The following SH3TC1 variants were observed in gnomAD, a reference collection of about 807,000 sequenced individuals.
SH3TC1 encodes SH3 domain and tetratricopeptide repeats 1, also known as SH3 domain and tetratricopeptide repeat-containing protein 1.
In SH3TC1, 135 loss-of-function variants were observed where a neutral mutation model predicts 117.3. The observed-to-expected ratio is 1.15, with a 90% CI of 1.00 to 1.33. SH3TC1 has a LOEUF of 1.33. Among genes scored for constraint, SH3TC1 ranks in the 40% most tolerant of loss-of-function variants. SH3TC1 has a pLI of 0.00. For synonymous variants in SH3TC1, 898 were observed against 816.9 expected (o/e 1.10, Z -1.69); for missense variants, 2,092 against 1,794.3 (o/e 1.17, Z -3.00).
At chr4:8,238,002 G>C (rs1309537567) in intron 17 of SH3TC1, among the ~76,000 whole-genome samples, 1 of 152,206 alleles carries the variant, frequency 6.6e-6, no homozygotes, top group Admixed American at 6.5e-5. Context: ...CAAGTGTCAA[G>C]TTGTATCTAA....
rs1333644707 is a variant in SH3TC1, at chr4:8,190,229, T to C, written c.-57+8019T>C. 1.3e-5 allele frequency among the ~76,000 whole-genome samples: 2 copies of C among 152,158 alleles called. No homozygotes were observed. Among genetic ancestry groups the C allele is most frequent in the Non-Finnish European group, 2.9e-5 (2 of 68,016 alleles). On this transcript the variant is annotated intron_variant, in intron 1 of 16. Coordinates refer to the SH3TC1 transcript ENST00000508641. This position sits in a 1 kb window ranked among gnomAD's most constrained non-coding sequence, Gnocchi z 4.7. ...CTCCTCCCCTCTGCCTGCTGTGACC[T>C]CAGCCTCGGAGCCTCGAGCTCCCAG...
chr4:8,184,612 C>T (rs972833718), intron 1 of SH3TC1, among the ~76,000 whole-genome samples: 4 of 152,166 alleles, frequency 2.6e-5, no homozygotes, highest in African/African-American at 9.7e-5. Flanking sequence ...CCCCTGGGCT[C>T]ACGTGATCCT....
chr4:8,212,420 G>T (rs573862631), intron 3 of SH3TC1, among the ~76,000 whole-genome samples: 1 of 152,184 alleles, frequency 6.6e-6, no homozygotes, highest in Non-Finnish European at 1.5e-5. Context: ...TTTCTGTGCC[G>T]GCCTGGCCTG....
chr4:8,218,142 G>A (rs568338042), intron 7 of SH3TC1, 129 bp from the exon 8 acceptor site: 3 of 600,128 alleles, frequency 5.0e-6, no homozygotes, highest in Non-Finnish European at 9.0e-6. Context: ...GTGTGCACGT[G>A]TGTGTGTTGG....
chr4:8,230,783 C>CTTTT (rs59242411), intron 12 of SH3TC1, among the ~76,000 whole-genome samples: 1 of 134,164 alleles, frequency 7.5e-6, no homozygotes, highest in African/African-American at 2.9e-5. Flanking sequence ...ATATGCTGTG[C>CTTTT]TTTTTTTTTT....
rs73079753 is a variant in SH3TC1 at position 8,219,429 on chromosome 4, G to T, written c.1011G>T (p.Ala337=). The change falls in exon 9 of 18, where the codon GCG becomes GCT. Residue 337 remains alanine (A), a synonymous_variant. Coordinates refer to ENST00000245105, the MANE Select transcript of SH3TC1 (RefSeq NM_018986.5). ...RGGDLIEILG[A]QVPSLPWCVG... ...GCGACCTCATCGAGATCCTTGGGGC[G>T]CAGGTGCCCAGCCTGCCCTGGTGCG... The T allele has an allele frequency of 1.3e-3, 2,020 of 1,611,372 alleles. 18 individuals carry two copies. In the Middle Eastern group the frequency reaches 0.022, roughly 17 times the overall value.
At chr4:8,237,263 G>A (rs1721903275) in intron 16 of SH3TC1, 7 of 478,810 alleles carry the variant, frequency 1.5e-5, no homozygotes, top group East Asian at 7.0e-5. Flanking sequence ...GGCCATCCAA[G>A]TCCGACTTTG....
chr4:8,237,331 A>G (rs907893029), intron 16 of SH3TC1, 143 bp from the exon 17 acceptor site: 17 of 648,858 alleles, frequency 2.6e-5, no homozygotes, highest in Non-Finnish European at 3.0e-5. Flanking sequence ...TAGATGGGAA[A>G]GTGAGTCTGG....
At chr4:8,219,303 C>A in intron 8 of SH3TC1, 32 bp from the exon 9 acceptor site, 1 of 1,555,132 alleles carries the variant, frequency 6.4e-7, no homozygotes, top group Non-Finnish European at 8.7e-7. Context: ...ATTTGGTCTC[C>A]CTGGCACTCA....
intron 14 of SH3TC1, among the ~76,000 whole-genome samples, chr4:8,234,690 C>T (rs1721648242): frequency 6.6e-6 from 1 of 152,226 alleles, no homozygotes; most frequent in African/African-American, 2.4e-5. Context: ...TGCCTTTCCC[C>T]TCTCTCCCAC....
chr4:8,210,328 G>T lies in SH3TC1; in HGVS notation c.247+506G>T, dbSNP rs1328449947. Among the ~76,000 whole-genome samples, 1 of 152,258 alleles carries T rather than the reference G, an allele frequency of 6.6e-6. No homozygotes were observed. Among genetic ancestry groups the T allele is most frequent in the African/African-American group, 2.4e-5 (1 of 41,474 alleles). Reference sequence around the variant, plus strand: ...TGGAGACCCCCCAACCCCCCGCTGGGGAGGAATGGAGACCCCAGCATCCAT... The same window carrying T: ...TGGAGACCCCCCAACCCCCCGCTGGTGAGGAATGGAGACCCCAGCATCCAT... On this transcript the variant is annotated intron_variant, in intron 3 of 17. Transcript: ENST00000245105. The surrounding 1 kb of genome is among the most constrained non-coding windows in gnomAD (Gnocchi z 4.1).
chr4:8,227,953 G>T lies in SH3TC1; in HGVS notation c.2259G>T (p.Gln753His). The change falls in exon 12 of 18, where the codon CAG becomes CAT. Residue 753 changes from glutamine (Q) to histidine (H), a missense_variant. By Grantham distance (24) the Gln-to-His change is conservative. Coordinates refer to ENST00000245105, the MANE Select transcript of SH3TC1 (RefSeq NM_018986.5). ...GSLRSVNLVL[Q>H]NAPQPHSLPA... ...TGAGGAGTGTGAACCTGGTGCTCCA[G>T]AACGCCCCCCAGCCCCACAGCCTCC... 6.2e-7 allele frequency: 1 copy of T among 1,612,400 alleles called. No individual in the cohort carries two copies. The highest frequency in any genetic ancestry group is 2.2e-5 in the East Asian group (1 of 44,876).
rs1720761786 is a variant in SH3TC1, at chr4:8,228,352, C to T, written c.2658C>T (p.Tyr886=). The change falls in exon 12 of 18, where the codon TAC becomes TAT. Residue 886 remains tyrosine, a synonymous_variant. Transcript: ENST00000245105. Reference sequence around the variant, plus strand: ...GGACGAGGCAGGCAGCTGAGAGCTACTACCGCGCCCTGCGGGTGGCTCGGG... The same window carrying T: ...GGACGAGGCAGGCAGCTGAGAGCTATTACCGCGCCCTGCGGGTGGCTCGGG... The part of the protein sequence containing the change: ...TGRTRQAAES[Y]YRALRVARDL... The T allele has an allele frequency of 6.2e-7, 1 of 1,611,820 alleles. No homozygotes were observed. The highest frequency in any genetic ancestry group is 2.2e-5 in the East Asian group (1 of 44,878).
Position 8,211,849 on chromosome 4 carries a change from C to A in SH3TC1, c.248-852C>A, listed in dbSNP as rs372119277. On this transcript the variant is annotated intron_variant, in intron 3 of 17. Coordinates refer to ENST00000245105, the MANE Select transcript of SH3TC1 (RefSeq NM_018986.5). Reference sequence around the variant, plus strand: ...ACACAGCAGACAGAGCACGTGCCCACCCCTGCGGAAGATTCCGCTGGATGG... The same window carrying A: ...ACACAGCAGACAGAGCACGTGCCCAACCCTGCGGAAGATTCCGCTGGATGG... Among the ~76,000 whole-genome samples the A allele has an allele frequency of 1.3e-3, 198 of 152,216 alleles. 1 individual carries two copies. The East Asian group carries it at 0.024, about 19-fold the overall frequency.
rs568040276 is a variant in SH3TC1 at position 8,210,234 on chromosome 4, C to T, written c.247+412C>T. On this transcript the variant is annotated intron_variant, in intron 3 of 17. Transcript: ENST00000245105. The surrounding 1 kb of genome is among the most constrained non-coding windows in gnomAD (Gnocchi z 4.1). Reference sequence around the variant, plus strand: ...CAGGTGGAGGGAGGCAGCCCTGGGCCGGGGAGCAGAGCCCACAAAGGGGGC... The same window carrying T: ...CAGGTGGAGGGAGGCAGCCCTGGGCTGGGGAGCAGAGCCCACAAAGGGGGC... Among the ~76,000 whole-genome samples the T allele has an allele frequency of 3.2e-4, 49 of 152,248 alleles. No individual in the cohort carries two copies. The highest frequency in any genetic ancestry group is 1.0e-3 in the African/African-American group (42 of 41,568).
Position 8,192,863 on chromosome 4 carries a change from C to G in SH3TC1, c.-57+10653C>G, listed in dbSNP as rs983211397. 6.6e-6 allele frequency among the ~76,000 whole-genome samples: 1 copy of G among 152,202 alleles called. No individual in the cohort carries two copies. The highest frequency in any genetic ancestry group is 2.4e-5 in the African/African-American group (1 of 41,448). ...CATGTCGCCACCTGGTGATTGGCTT[C>G]TCTGTGCATATATTTGCACAGTTGC... On this transcript the variant is annotated intron_variant, in intron 1 of 16. Coordinates refer to the SH3TC1 transcript ENST00000508641. The surrounding 1 kb of genome is among the most constrained non-coding windows in gnomAD (Gnocchi z 4.1).
In SH3TC1 at chr4:8,227,296, C is replaced by T. The variant is rs375913642; in HGVS notation, c.1602C>T (p.Ser534=). The T allele has an allele frequency of 8.9e-5, 144 of 1,608,992 alleles. 2 individuals are homozygous for T. The highest frequency in any genetic ancestry group is 6.2e-4 in the South Asian group (56 of 90,674). Residue 534 remains serine, a synonymous_variant, in exon 12 of 18, where the codon AGC becomes AGT. Transcript: ENST00000245105. ...PWLSSVFRSF[S]DEEELTGRLA... ...TGAGCAGCGTGTTCCGCAGCTTCAG[C>T]GACGAGGAGGAGCTGACTGGGCGCC... is the stretch of plus-strand genomic sequence containing the variant.
intron 1 of SH3TC1, among the ~76,000 whole-genome samples, chr4:8,189,050 C>A (rs931993792): frequency 5.3e-5 from 8 of 152,290 alleles, no homozygotes; most frequent in Non-Finnish European, 8.8e-5. Flanking sequence ...GCCCACACAG[C>A]TTTGCCTCAG....
upstream of SH3TC1, among the ~76,000 whole-genome samples, chr4:8,197,920 G>A (rs114557037): frequency 5.0e-3 from 756 of 152,286 alleles, 5 homozygotes; most frequent in African/African-American, 0.017. Flanking sequence ...ACGCAGGTGT[G>A]GGCTGGAGGG....
Sources: gnomAD v4.1 joint callset for allele counts (sites outside exome capture counted in the v4.1 genomes callset) on GRCh38, gnomAD v4.1.1 for gene constraint, Gnocchi (gnomAD v3.1) non-coding constraint, MANE v1.5 for transcripts, NCBI Gene and HGNC (gene_info 2026-07-23, HGNC 2026-07-21) for gene names.